Variants in ANK2 observed in about 807,000 individuals in gnomAD.
The protein encoded by ANK2 is ankyrin-2.
A neutral mutation model predicts 360.5 loss-of-function variants in ANK2; 83 were observed. The observed-to-expected ratio is 0.23, with a 90% CI of 0.19 to 0.28. The LOEUF (loss-of-function observed/expected upper bound fraction) is 0.28, where lower values mean the gene tolerates loss of function less well. Ranked by LOEUF, ANK2 falls within the 10% of genes least tolerant of loss-of-function variation. The pLI is 1.00. For missense variants in ANK2, 4,201 were observed against 4,795.7 expected (o/e 0.88, Z 3.66); for synonymous variants, 1,740 against 1,759.5 (o/e 0.99, Z 0.28).
chr4:113,293,037 C>A (rs2068665916), intron 21 of ANK2: 1 of 364,610 alleles, frequency 2.7e-6, no homozygotes, highest in Non-Finnish European at 5.3e-6. Flanking sequence ...ACCGTGTTCC[C>A]GATGGTAACA....
At chr4:113,278,934 C>CA (rs1182398308) in intron 17 of ANK2, among the ~76,000 whole-genome samples, 1 of 152,144 alleles carries the variant, frequency 6.6e-6, no homozygotes, top group Admixed American at 6.5e-5. Context: ...TTTATACTCT[C>CA]ATTCTTTCCG....
In ANK2 at chr4:112,854,602, T is replaced by C. The variant is rs528550795; in HGVS notation, c.-40+36338T>C. Among the ~76,000 whole-genome samples the C allele has an allele frequency of 2.0e-5, 3 of 152,270 alleles. No homozygotes were observed. In the South Asian group the frequency reaches 6.2e-4, roughly 32 times the overall value. On this transcript the variant is annotated intron_variant, in intron 1 of 30. Transcript: ENST00000503271. ...GGTTAAATCCACATGACTTAGTGAC[T>C]AAATGGCTGTCTGAATGAGGAAGAG...
intron 1 of ANK2, among the ~76,000 whole-genome samples, chr4:112,837,656 T>C (rs533261482): frequency 6.6e-4 from 101 of 152,332 alleles, no homozygotes; most frequent in African/African-American, 2.3e-3. Context: ...AGCCCACCCC[T>C]TGCATCAGCA....
At chr4:113,096,615 C>CA (rs1229671502) in intron 1 of ANK2, among the ~76,000 whole-genome samples, 3 of 152,188 alleles carry the variant, frequency 2.0e-5, no homozygotes, top group Non-Finnish European at 4.4e-5. Context: ...TTGGTCATCA[C>CA]ATAGTTACAT....
the ANK2 span, among the ~76,000 whole-genome samples, chr4:112,773,926 A>G: frequency 3.3e-5 from 5 of 151,964 alleles, no homozygotes; most frequent in Non-Finnish European, 5.9e-5. Context: ...TCAGACTCCC[A>G]AGTAGCTGGG....
chr4:113,099,341 C>T (rs2092375697), intron 1 of ANK2, among the ~76,000 whole-genome samples: 1 of 151,844 alleles, frequency 6.6e-6, no homozygotes. Flanking sequence ...ATACAAAAGT[C>T]AGCTGATTTC....
intron 2 of ANK2, among the ~76,000 whole-genome samples, chr4:113,192,782 T>G (rs1343531551): frequency 6.6e-6 from 1 of 152,088 alleles, no homozygotes; most frequent in East Asian, 1.9e-4. Context: ...CATCAAATAT[T>G]TATTTCTCAG....
chr4:112,855,488 T>G (rs1055247848), intron 1 of ANK2, among the ~76,000 whole-genome samples: 16 of 152,224 alleles, frequency 1.1e-4, no homozygotes, highest in African/African-American at 3.4e-4. Context: ...ACCTCCTCAA[T>G]TGGCCCTATA....
chr4:113,318,693 A>G, intron 26 of ANK2, 73 bp downstream of exon 26: 1 of 1,291,964 alleles, frequency 7.7e-7, no homozygotes, highest in Non-Finnish European at 1.1e-6. Context: ...AGCTTTGTCC[A>G]GTAGCTTTAG....
intron 1 of ANK2, among the ~76,000 whole-genome samples, chr4:113,063,380 A>G (rs1203206910): frequency 6.6e-6 from 1 of 152,108 alleles, no homozygotes; most frequent in African/African-American, 2.4e-5. Flanking sequence ...CAGAAAACAT[A>G]TGGTACTTGA....
At chr4:113,256,694 A>T (rs1365501548) in intron 11 of ANK2, among the ~76,000 whole-genome samples, 1 of 152,198 alleles carries the variant, frequency 6.6e-6, no homozygotes, top group Non-Finnish European at 1.5e-5. Context: ...CTATGTGTTT[A>T]CATGGTTTGT....
At chr4:113,294,429 A>G (rs2069867736) in intron 22 of ANK2, among the ~76,000 whole-genome samples, 1 of 152,250 alleles carries the variant, frequency 6.6e-6, no homozygotes, top group African/African-American at 2.4e-5. Flanking sequence ...TTCAAAGACA[A>G]TAAAACCACA....
chr4:113,285,742 T>C (rs2064244801), intron 18 of ANK2, among the ~76,000 whole-genome samples: 2 of 152,266 alleles, frequency 1.3e-5, no homozygotes, highest in South Asian at 4.1e-4. Flanking sequence ...TGGGACTGTC[T>C]CTCTCAGGAG....
intron 1 of ANK2, chr4:112,827,594 C>T (rs1160580265): frequency 1.1e-5 from 11 of 974,614 alleles, no homozygotes; most frequent in African/African-American, 1.6e-5. Context: ...CTATACCTGG[C>T]CCTTCTGAAG....
the ANK2 span, among the ~76,000 whole-genome samples, chr4:112,760,483 A>G: frequency 6.6e-6 from 1 of 150,574 alleles, no homozygotes; most frequent in Non-Finnish European, 1.5e-5. Context: ...CCCCGTGCCC[A>G]GCCTCAAATT....
In ANK2 at chr4:113,287,719, C is replaced by G. The variant is rs771805306; in HGVS notation, c.2178+16C>G. 1.3e-6 allele frequency: 2 copies of G among 1,586,222 alleles called. No individual in the cohort carries two copies. The highest frequency in any genetic ancestry group is 1.3e-5 in the African/African-American group (1 of 74,226). On this transcript the variant is annotated intron_variant, in intron 19 of 45. Coordinates refer to ENST00000357077, the MANE Select transcript of ANK2 (RefSeq NM_001148.6). ...TCATACAAAGGTAAAGCAAATCACTCTCAGTATTGTGACAGGTTCTGGCTG... is the reference window on the plus strand; with the variant it reads ...TCATACAAAGGTAAAGCAAATCACTGTCAGTATTGTGACAGGTTCTGGCTG...
At chr4:113,077,973 C>T (rs1355132337) in intron 1 of ANK2, among the ~76,000 whole-genome samples, 1 of 88,292 alleles carries the variant, frequency 1.1e-5, no homozygotes, top group Non-Finnish European at 2.6e-5. Context: ...AGGGCCACAT[C>T]TCATTGAGTG....
At chr4:112,980,890 A>G (rs897135673) in intron 2 of ANK2, among the ~76,000 whole-genome samples, 2 of 152,232 alleles carry the variant, frequency 1.3e-5, no homozygotes, top group African/African-American at 4.8e-5. Flanking sequence ...CTTGTGAAAA[A>G]TATGTGTAGC....
At chr4:112,796,471 CACACACACAT>C in the ANK2 span, among the ~76,000 whole-genome samples, 2,650 of 151,246 alleles carry the variant, frequency 0.018, 47 homozygotes, top group East Asian at 0.048. Context: ...TATATACACA[CACACACACAT>C]ACATATCATA....
Sources: allele counts gnomAD v4.1 joint callset (sites outside exome capture counted in the v4.1 genomes callset), GRCh38; gene constraint gnomAD v4.1.1; transcripts MANE v1.5; gene names NCBI Gene and HGNC (gene_info 2026-07-23, HGNC 2026-07-21).